The following BRIP1 variants were observed in gnomAD, a reference collection of about 807,000 sequenced individuals.
BRIP1 encodes the protein BRCA1 interacting DNA helicase 1.
Under a neutral mutation model 119.7 loss-of-function variants are expected in BRIP1, and 88 were observed. The ratio of observed to expected loss-of-function variants is 0.74; its 90% CI spans 0.62 to 0.88. The LOEUF (loss-of-function observed/expected upper bound fraction) is 0.88, where lower values mean the gene tolerates loss of function less well. Ranked by LOEUF, BRIP1 falls within the 40% of genes least tolerant of loss-of-function variation. The probability of loss-of-function intolerance (pLI) is 0.00; values close to 1 mark genes in which losing one functional copy is unlikely to be tolerated. For missense variants in BRIP1, 1,259 were observed against 1,455.4 expected, an observed-to-expected ratio of 0.87 and a Z score of 2.20; for synonymous variants, 443 against 496.5, an observed-to-expected ratio of 0.89 and a Z score of 1.43.
At chr17:61,765,828 T>TACACACAC (rs2077365021) in intron 14 of BRIP1, among the ~76,000 whole-genome samples, 1 of 48,262 alleles carries the variant, frequency 2.1e-5, no homozygotes, top group African/African-American at 1.3e-4. Context: ...ACTATATTCA[T>TACACACAC]GCACACACAC....
rs540525182 is a variant in BRIP1, at chr17:61,795,841, A to T, written c.1341-2112T>A. 6.6e-6 allele frequency among the ~76,000 whole-genome samples: 1 copy of T among 152,212 alleles called. No individual in the cohort carries two copies. Among genetic ancestry groups the T allele is most frequent in the South Asian group, 2.1e-4 (1 of 4,818 alleles). On this transcript the variant is annotated intron_variant, in intron 9 of 19. Transcript: ENST00000259008. The surrounding 1 kb of genome is among the most constrained non-coding windows in gnomAD (Gnocchi z 5.6). ...TTGAGGAACTTCCAAATTGTTCTTCATAGTGGTTGTCCTAATTTACATTCC... is the reference window on the plus strand; with the variant it reads ...TTGAGGAACTTCCAAATTGTTCTTCTTAGTGGTTGTCCTAATTTACATTCC...
chr17:61,859,714 T>C (rs2078947007), intron 3 of BRIP1, 82 bp downstream of exon 3: 1 of 895,674 alleles, frequency 1.1e-6, no homozygotes, highest in African/African-American at 1.6e-5. Context: ...ACAGCATGGC[T>C]GAACCAGTCT....
In BRIP1 at chr17:61,780,244, A is replaced by C. The variant is rs1268001607; in HGVS notation, c.1935+17T>G. On this transcript the variant is annotated intron_variant, in intron 13 of 19. Transcript: ENST00000259008. This position sits in a 1 kb window ranked among gnomAD's most constrained non-coding sequence, Gnocchi z 5.4. ...AGAAACACTGAAGGCCTTCCAAAAAAAAAAACAACAACTAACCTGTGAATT... is the reference window on the plus strand; with the variant it reads ...AGAAACACTGAAGGCCTTCCAAAAACAAAAACAACAACTAACCTGTGAATT... 1.9e-6 allele frequency: 3 copies of C among 1,610,592 alleles called. No homozygotes were observed. The highest frequency in any genetic ancestry group is 2.7e-5 in the African/African-American group (2 of 74,950).
rs1296944580 is a variant in BRIP1, at chr17:61,789,441, A to G, written c.1473+4156T>C. On this transcript the variant is annotated intron_variant, in intron 10 of 19. Coordinates refer to ENST00000259008, the MANE Select transcript of BRIP1 (RefSeq NM_032043.3). The surrounding 1 kb of genome is among the most constrained non-coding windows in gnomAD (Gnocchi z 4.8). ...ATTGATTCATAAATTCACAACATAA[A>G]CAAAATGAATCCAAGGCTTTGTAAA... Among the ~76,000 whole-genome samples the G allele has an allele frequency of 6.6e-6, 1 of 152,154 alleles. No homozygotes were observed. Among genetic ancestry groups the G allele is most frequent in the African/African-American group, 2.4e-5 (1 of 41,448 alleles).
intron 16 of BRIP1, among the ~76,000 whole-genome samples, chr17:61,718,847 T>C (rs2061924573): frequency 1.3e-5 from 2 of 152,210 alleles, no homozygotes; most frequent in African/African-American, 4.8e-5. Context: ...AAGTACTTGA[T>C]ACAAAATGAC....
At chr17:61,685,388 A>G (rs549884814) in intron 19 of BRIP1, 2 of 162,064 alleles carry the variant, frequency 1.2e-5, no homozygotes, top group South Asian at 3.9e-4. Flanking sequence ...AGAACTATCT[A>G]TATAGGAAAA....
At position 61,842,281 on chromosome 17, in the gene BRIP1, G is replaced by C. The variant is rs890964230; in HGVS notation, c.627+4820C>G. Among the ~76,000 whole-genome samples the C allele has an allele frequency of 4.6e-5, 7 of 152,108 alleles. No individual in the cohort carries two copies. Among genetic ancestry groups the C allele is most frequent in the Non-Finnish European group, 8.8e-5 (6 of 68,018 alleles). ...TTGTGGTTATCAGAGGTTAGGAAGGGGTGAGGGGAGGGGAGGATAAGGAGA... is the reference window on the plus strand; with the variant it reads ...TTGTGGTTATCAGAGGTTAGGAAGGCGTGAGGGGAGGGGAGGATAAGGAGA... On this transcript the variant is annotated intron_variant, in intron 6 of 19. Coordinates refer to ENST00000259008, the MANE Select transcript of BRIP1 (RefSeq NM_032043.3). This position sits in a 1 kb window ranked among gnomAD's most constrained non-coding sequence, Gnocchi z 5.1.
chr17:61,779,881 G>A (rs772165093), intron 13 of BRIP1, among the ~76,000 whole-genome samples: 1 of 149,894 alleles, frequency 6.7e-6, no homozygotes, highest in African/African-American at 2.5e-5. Context: ...GCTTAAACAC[G>A]AGTGAGCCAA....
In BRIP1 at chr17:61,736,681, C is replaced by T. The variant is rs1322355311; in HGVS notation, c.2379+6332G>A. Among the ~76,000 whole-genome samples the T allele has an allele frequency of 6.6e-6, 1 of 152,140 alleles. No individual in the cohort carries two copies. The highest frequency in any genetic ancestry group is 1.5e-5 in the Non-Finnish European group (1 of 68,008). ...ATTTTAACAACTTCTACTAAAACCC[C>T]ATTCAATCATTAACTAAAACATTTA... On this transcript the variant is annotated intron_variant, in intron 16 of 19. Coordinates refer to ENST00000259008, the MANE Select transcript of BRIP1 (RefSeq NM_032043.3). The surrounding 1 kb of genome is among the most constrained non-coding windows in gnomAD (Gnocchi z 4.4).
intron 6 of BRIP1, among the ~76,000 whole-genome samples, chr17:61,840,902 C>A (rs1034365988): frequency 6.6e-6 from 1 of 151,874 alleles, no homozygotes; most frequent in African/African-American, 2.4e-5. Flanking sequence ...AATAGAGAAC[C>A]GAGAAGTAAA....
chr17:61,826,731 TAAAAA>T (rs58466965), intron 6 of BRIP1, among the ~76,000 whole-genome samples: 2 of 75,314 alleles, frequency 2.7e-5, no homozygotes, highest in African/African-American at 9.7e-5. Flanking sequence ...TATTAAAAAG[TAAAAA>T]AAAAAAAAAA....
Position 61,751,814 on chromosome 17 carries a change from G to C in BRIP1, c.2098-7223C>G, listed in dbSNP as rs1310132055. Among the ~76,000 whole-genome samples the C allele has an allele frequency of 2.0e-5, 3 of 152,010 alleles. No individual in the cohort carries two copies. The highest frequency in any genetic ancestry group is 4.8e-5 in the African/African-American group (2 of 41,402). ...GACAGAGTCTCGCTCTGTCACCCAG[G>C]CTGGAGTACAGTGGTGCGATCTCGG... On this transcript the variant is annotated intron_variant, in intron 14 of 19. Coordinates refer to ENST00000259008, the MANE Select transcript of BRIP1 (RefSeq NM_032043.3). This position sits in a 1 kb window ranked among gnomAD's most constrained non-coding sequence, Gnocchi z 6.7.
rs899155232 is a variant in BRIP1, at chr17:61,709,688, A to G, written c.2492+6263T>C. The stretch of plus-strand genomic sequence containing the variant: ...CCTTTTCTTTTTACCATTGTTTTCA[A>G]ACTGCCTTGCTTAAATGAATTATGC... On this transcript the variant is annotated intron_variant, in intron 17 of 19. Coordinates refer to ENST00000259008, the MANE Select transcript of BRIP1 (RefSeq NM_032043.3). This position sits in a 1 kb window ranked among gnomAD's most constrained non-coding sequence, Gnocchi z 5.0. 2.9e-4 allele frequency among the ~76,000 whole-genome samples: 44 copies of G among 152,216 alleles called. No individual in the cohort carries two copies. Among genetic ancestry groups the G allele is most frequent in the African/African-American group, 1.1e-3 (44 of 41,452 alleles).
Position 61,825,078 on chromosome 17 carries a change from G to A in BRIP1, c.628-16321C>T, listed in dbSNP as rs551968814. Among the ~76,000 whole-genome samples, 11 of 152,240 alleles carry A rather than the reference G, an allele frequency of 7.2e-5. No homozygotes were observed. The East Asian group carries it at 1.9e-3, about 27-fold the overall frequency. Reference sequence around the variant, plus strand: ...AGGCAGGCGGATCGCAAGGTCAGGAGATCGAGACCATCCTAGCTAACATGG... The same window carrying A: ...AGGCAGGCGGATCGCAAGGTCAGGAAATCGAGACCATCCTAGCTAACATGG... On this transcript the variant is annotated intron_variant, in intron 6 of 19. Transcript: ENST00000259008. This position sits in a 1 kb window ranked among gnomAD's most constrained non-coding sequence, Gnocchi z 4.1.
In BRIP1 at chr17:61,730,841, G is replaced by T. The variant is rs1277859536; in HGVS notation, c.2379+12172C>A. 1.3e-5 allele frequency among the ~76,000 whole-genome samples: 2 copies of T among 151,942 alleles called. No individual in the cohort carries two copies. Among genetic ancestry groups the T allele is most frequent in the East Asian group, 1.9e-4 (1 of 5,196 alleles). ...TCCCAAAATATCTTTTAAAAATATG[G>T]AGAATTTAAAAATTAACCTCAGCAA... On this transcript the variant is annotated intron_variant, in intron 16 of 19. Coordinates refer to ENST00000259008, the MANE Select transcript of BRIP1 (RefSeq NM_032043.3). The surrounding 1 kb of genome is among the most constrained non-coding windows in gnomAD (Gnocchi z 4.3).
chr17:61,721,171 G>A (rs1419376011), intron 16 of BRIP1, among the ~76,000 whole-genome samples: 1 of 150,414 alleles, frequency 6.6e-6, no homozygotes, highest in East Asian at 2.0e-4. Flanking sequence ...AAAAGAACAT[G>A]CTTTAGGAAA....
In BRIP1 at chr17:61,778,362, G is replaced by A. The variant is rs1408452527; in HGVS notation, c.1936-1800C>T. Among the ~76,000 whole-genome samples, 1 of 152,132 alleles carries A rather than the reference G, an allele frequency of 6.6e-6. No homozygotes were observed. The highest frequency in any genetic ancestry group is 1.5e-5 in the Non-Finnish European group (1 of 68,044). On this transcript the variant is annotated intron_variant, in intron 13 of 19. Coordinates refer to ENST00000259008, the MANE Select transcript of BRIP1 (RefSeq NM_032043.3). This position sits in a 1 kb window ranked among gnomAD's most constrained non-coding sequence, Gnocchi z 4.4. Reference sequence around the variant, plus strand: ...GGAGAATAGAGAGCTGTTGTTTAATGGGAACAGAGTTTCAGTTTTTCAAGA... The same window carrying A: ...GGAGAATAGAGAGCTGTTGTTTAATAGGAACAGAGTTTCAGTTTTTCAAGA...
intron 17 of BRIP1, among the ~76,000 whole-genome samples, chr17:61,711,872 A>G (rs2061781595): frequency 7.6e-6 from 1 of 132,266 alleles, no homozygotes; most frequent in African/African-American, 2.8e-5. Context: ...TCTCAAAAAA[A>G]AAATAATAAT....
rs2076946907 is a variant in BRIP1 at position 61,738,457 on chromosome 17, C to T, written c.2379+4556G>A. On this transcript the variant is annotated intron_variant, in intron 16 of 19. Transcript: ENST00000259008. The surrounding 1 kb of genome is among the most constrained non-coding windows in gnomAD (Gnocchi z 4.2). ...AACCCTTTAGAACCACCTTCCTCCC[C>T]TCTACCCAGAACCCATTGATGCTTC... Among the ~76,000 whole-genome samples, 1 of 152,186 alleles carries T rather than the reference C, an allele frequency of 6.6e-6. No individual in the cohort carries two copies. Among genetic ancestry groups the T allele is most frequent in the Admixed American group, 6.6e-5 (1 of 15,266 alleles).
Sources: allele counts gnomAD v4.1 joint callset (sites outside exome capture counted in the v4.1 genomes callset), GRCh38; gene constraint gnomAD v4.1.1; non-coding constraint Gnocchi (gnomAD v3.1); transcripts MANE v1.5; gene names NCBI Gene and HGNC (gene_info 2026-07-23, HGNC 2026-07-21).